Variants in RBPJ observed in about 807,000 individuals in gnomAD.
The protein encoded by RBPJ is recombining binding protein suppressor of hairless.
A neutral mutation model predicts 67.8 loss-of-function variants in RBPJ; 9 were observed. The observed-to-expected ratio is 0.13, with a 90% CI of 0.08 to 0.23. The LOEUF (loss-of-function observed/expected upper bound fraction) is 0.23. Among genes scored for constraint, RBPJ ranks in the 10% least tolerant of loss-of-function variants. The pLI, the probability that RBPJ is intolerant of heterozygous loss-of-function variation, is 1.00. For missense variants in RBPJ, 305 were observed against 595.6 expected, an observed-to-expected ratio of 0.51 and a Z score of 5.08; for synonymous variants, 198 against 203.3, an observed-to-expected ratio of 0.97 and a Z score of 0.22.
At chr4:26,280,395 C>CAA (rs11295196) in intron 1 of RBPJ, among the ~76,000 whole-genome samples, 16 of 86,748 alleles carry the variant, frequency 1.8e-4, no homozygotes, top group South Asian at 4.1e-4. Context: ...CACTTCATCT[C>CAA]AAAAAAAAAA....
the RBPJ span, among the ~76,000 whole-genome samples, chr4:26,152,695 T>TG: frequency 3.3e-5 from 5 of 152,382 alleles, no homozygotes; most frequent in African/African-American, 1.2e-4. Context: ...CAGGTTGTTC[T>TG]GAATCCATAG....
At chr4:26,413,429 GTTT>G in intron 3 of RBPJ, among the ~76,000 whole-genome samples, 1 of 152,228 alleles carries the variant, frequency 6.6e-6, no homozygotes, top group African/African-American at 2.4e-5. Context: ...TCATTTATCT[GTTT>G]TTATTATCTC....
chr4:26,133,418 A>C, the RBPJ span, among the ~76,000 whole-genome samples: 1 of 152,198 alleles, frequency 6.6e-6, no homozygotes, highest in Middle Eastern at 3.2e-3. Flanking sequence ...ACTAAAAAAC[A>C]AACAAACAAA....
upstream of RBPJ, chr4:26,319,831 G>T (rs375571599): frequency 1.9e-6 from 3 of 1,579,958 alleles, no homozygotes; most frequent in Non-Finnish European, 2.6e-6. Flanking sequence ...GGCAGTGCTG[G>T]ATCTGGGAAT....
intron 1 of RBPJ, among the ~76,000 whole-genome samples, chr4:26,312,063 G>A (rs1217733124): frequency 6.6e-6 from 1 of 152,148 alleles, no homozygotes; most frequent in African/African-American, 2.4e-5. Flanking sequence ...TGGAACTCAG[G>A]CCCTTAATTG....
chr4:26,233,396 C>T (rs1719352416), intron 1 of RBPJ, among the ~76,000 whole-genome samples: 1 of 152,190 alleles, frequency 6.6e-6, no homozygotes, highest in Non-Finnish European at 1.5e-5. Context: ...GGTTTCCTTG[C>T]AAAAAGTTTC....
intron 1 of RBPJ, among the ~76,000 whole-genome samples, chr4:26,236,179 T>C (rs558961190): frequency 6.6e-6 from 1 of 152,336 alleles, no homozygotes; most frequent in South Asian, 2.1e-4. Flanking sequence ...CTTTGTGGCA[T>C]CCTGTATCAG....
chr4:26,315,946 C>G (rs1722595462), upstream of RBPJ, among the ~76,000 whole-genome samples: 1 of 152,068 alleles, frequency 6.6e-6, no homozygotes, highest in Non-Finnish European at 1.5e-5. Flanking sequence ...GCAGTCAGAC[C>G]TTATGGTTGT....
intron 1 of RBPJ, among the ~76,000 whole-genome samples, chr4:26,333,632 T>G (rs1724484008): frequency 6.6e-6 from 1 of 152,180 alleles, no homozygotes; most frequent in Non-Finnish European, 1.5e-5. Flanking sequence ...TCAAGCATTC[T>G]TCCTGCCTCA....
the RBPJ span, among the ~76,000 whole-genome samples, chr4:26,119,831 C>T: frequency 2.0e-5 from 3 of 152,286 alleles, no homozygotes; most frequent in East Asian, 3.9e-4. Flanking sequence ...TGGCCTGAGG[C>T]CTTAAAATGG....
intron 1 of RBPJ, among the ~76,000 whole-genome samples, chr4:26,330,323 G>C (rs553710464): frequency 6.6e-6 from 1 of 152,190 alleles, no homozygotes; most frequent in African/African-American, 2.4e-5. Flanking sequence ...CCATCTGCCA[G>C]AATGTTATTT....
upstream of RBPJ, chr4:26,320,842 A>C: frequency 1.3e-6 from 2 of 1,567,082 alleles, no homozygotes; most frequent in Non-Finnish European, 1.7e-6. Flanking sequence ...GGCAGCGAGC[A>C]GGATCCCCTA....
intron 1 of RBPJ, among the ~76,000 whole-genome samples, chr4:26,238,031 T>G (rs1719509757): frequency 6.6e-6 from 1 of 152,166 alleles, no homozygotes; most frequent in African/African-American, 2.4e-5. Flanking sequence ...AAAGAGCTAT[T>G]TGATCCTGAC....
At chr4:26,329,321 C>T (rs539373032) in intron 1 of RBPJ, among the ~76,000 whole-genome samples, 2 of 152,184 alleles carry the variant, frequency 1.3e-5, no homozygotes, top group East Asian at 1.9e-4. Context: ...TGAGGTAGGG[C>T]TGGATGTAAA....
At chr4:26,115,432 T>G in the RBPJ span, among the ~76,000 whole-genome samples, 18 of 152,228 alleles carry the variant, frequency 1.2e-4, no homozygotes, top group African/African-American at 4.3e-4. Flanking sequence ...CAGCCCAGGC[T>G]GGAGTGCAGT....
chr4:26,207,940 T>G (rs938981773), intron 1 of RBPJ, among the ~76,000 whole-genome samples: 1 of 152,150 alleles, frequency 6.6e-6, no homozygotes, highest in African/African-American at 2.4e-5. Context: ...TATAGAACTT[T>G]CCAGTTTGCC....
intron 1 of RBPJ, among the ~76,000 whole-genome samples, chr4:26,276,120 CA>C (rs1721072794): frequency 2.7e-5 from 4 of 150,448 alleles, no homozygotes; most frequent in African/African-American, 9.7e-5. Flanking sequence ...ACTAAAAATA[CA>C]AAAATTAGCC....
chr4:26,166,855 AC>A (rs1221396043), intron 1 of RBPJ, among the ~76,000 whole-genome samples: 11 of 152,152 alleles, frequency 7.2e-5, no homozygotes, highest in African/African-American at 2.4e-4. Flanking sequence ...TTTAGGTCTA[AC>A]GTTTAAGTCT....
At chr4:26,130,856 G>A in the RBPJ span, among the ~76,000 whole-genome samples, 3 of 152,212 alleles carry the variant, frequency 2.0e-5, no homozygotes, top group Non-Finnish European at 2.9e-5. Context: ...CTTACAAATA[G>A]AGTACAAGCA....
Sources: allele counts gnomAD v4.1 joint callset (sites outside exome capture counted in the v4.1 genomes callset), GRCh38; gene constraint gnomAD v4.1.1; transcripts MANE v1.5; gene names NCBI Gene and HGNC (gene_info 2026-07-23, HGNC 2026-07-21).